The following MATCAP2 variants were observed in gnomAD, a reference collection of about 807,000 sequenced individuals.
MATCAP2 encodes microtubule associated tyrosine carboxypeptidase 2.
At chr7:36,362,836 A>C in the MATCAP2 span, among the ~76,000 whole-genome samples, 1 of 152,196 alleles carries the variant, frequency 6.6e-6, no homozygotes. Flanking sequence ...CTTGGTCAGG[A>C]AGCCTTCCTT....
chr7:36,337,981 A>G, the MATCAP2 span, among the ~76,000 whole-genome samples: 1 of 152,124 alleles, frequency 6.6e-6, no homozygotes, highest in Non-Finnish European at 1.5e-5. Context: ...CCAAATTCCT[A>G]TCTAAAGGGC....
chr7:36,378,072 C>T, the MATCAP2 span, among the ~76,000 whole-genome samples: 12 of 152,082 alleles, frequency 7.9e-5, no homozygotes, highest in South Asian at 6.2e-4. Context: ...TGGAGAAGTT[C>T]GTGATTACCG....
chr7:36,368,022 C>A, the MATCAP2 span, among the ~76,000 whole-genome samples: 3 of 151,414 alleles, frequency 2.0e-5, no homozygotes, highest in African/African-American at 7.3e-5. Context: ...CATGATCGCG[C>A]CACTGCACTC....
chr7:36,382,068 A>G, the MATCAP2 span, among the ~76,000 whole-genome samples: 1 of 151,828 alleles, frequency 6.6e-6, no homozygotes, highest in Non-Finnish European at 1.5e-5. Flanking sequence ...CGAGGTGGGC[A>G]GATCACCTGA....
chr7:36,330,931 G>T, the MATCAP2 span: 1 of 1,028,238 alleles, frequency 9.7e-7, no homozygotes, highest in Non-Finnish European at 1.5e-6. Flanking sequence ...TTGAGTGAGG[G>T]GAATGCTGAT....
chr7:36,328,691 G>A, the MATCAP2 span, among the ~76,000 whole-genome samples: 2 of 152,010 alleles, frequency 1.3e-5, no homozygotes, highest in African/African-American at 4.8e-5. Context: ...GTTGCAGTGA[G>A]CCGAGATCAC....
the MATCAP2 span, among the ~76,000 whole-genome samples, chr7:36,342,769 C>T: frequency 2.4e-4 from 36 of 152,284 alleles, no homozygotes; most frequent in South Asian, 4.8e-3. Context: ...AGACTGCAGG[C>T]GCATGCTGCC....
chr7:36,359,751 T>G, the MATCAP2 span, among the ~76,000 whole-genome samples: 15 of 152,188 alleles, frequency 9.9e-5, no homozygotes, highest in Non-Finnish European at 2.9e-5. Context: ...TCTCAGGAGT[T>G]TCATAGACTT....
chr7:36,379,847 C>CACAGAGAGAGAGAGAGAGAGAG, the MATCAP2 span, among the ~76,000 whole-genome samples: 4 of 107,602 alleles, frequency 3.7e-5, no homozygotes, highest in East Asian at 6.0e-4. Flanking sequence ...CACACACACA[C>CACAGAGAGAGAGAGAGAGAGAG]AGAGAGAGAG....
At chr7:36,337,121 A>AAAAAAAAAAAAAAAAAC in the MATCAP2 span, among the ~76,000 whole-genome samples, 1 of 147,216 alleles carries the variant, frequency 6.8e-6, no homozygotes, top group Non-Finnish European at 1.5e-5. Flanking sequence ...AAAAAAAAAA[A>AAAAAAAAAAAAAAAAAC]AAAAGCAATC....
chr7:36,347,954 T>A, the MATCAP2 span, among the ~76,000 whole-genome samples: 1 of 152,184 alleles, frequency 6.6e-6, no homozygotes, highest in Non-Finnish European at 1.5e-5. Flanking sequence ...TACTGTTTTT[T>A]AAAGGTTTCA....
chr7:36,383,918 C>T, the MATCAP2 span: 2 of 1,576,704 alleles, frequency 1.3e-6, no homozygotes, highest in Non-Finnish European at 1.7e-6. Flanking sequence ...AGGTCTTGGC[C>T]TTTTCTCTCC....
chr7:36,382,299 CAAAAAAAAAAA>C, the MATCAP2 span, among the ~76,000 whole-genome samples: 1 of 62,934 alleles, frequency 1.6e-5, no homozygotes, highest in South Asian at 5.2e-4. Flanking sequence ...GCGTCTGTCT[CAAAAAAAAAAA>C]AAAAAAAAAA....
chr7:36,378,541 C>T, the MATCAP2 span, among the ~76,000 whole-genome samples: 11 of 152,222 alleles, frequency 7.2e-5, no homozygotes, highest in African/African-American at 2.2e-4. Flanking sequence ...CCTAGTTAGG[C>T]TACATGGGGT....
At chr7:36,359,042 GAATA>G in the MATCAP2 span, among the ~76,000 whole-genome samples, 2 of 152,110 alleles carry the variant, frequency 1.3e-5, no homozygotes, top group African/African-American at 2.4e-5. Context: ...ATAAACAAAT[GAATA>G]AATAAATGAC....
chr7:36,327,045 A>T, the MATCAP2 span: 1 of 774,438 alleles, frequency 1.3e-6, no homozygotes, highest in South Asian at 2.0e-5. Context: ...ATAGCTGCAA[A>T]GTAACAAAAA....
At chr7:36,367,222 C>T in the MATCAP2 span, 14 of 1,146,482 alleles carry the variant, frequency 1.2e-5, no homozygotes, top group Non-Finnish European at 1.5e-5. Flanking sequence ...CGTAGCCGCT[C>T]CGCCGGTTGC....
At chr7:36,374,875 T>C in the MATCAP2 span, among the ~76,000 whole-genome samples, 2 of 152,262 alleles carry the variant, frequency 1.3e-5, no homozygotes, top group African/African-American at 2.4e-5. Flanking sequence ...AACTCATCCG[T>C]TTTTATGGCT....
At chr7:36,390,016 C>T in the MATCAP2 span, 1 of 1,614,094 alleles carries the variant, frequency 6.2e-7, no homozygotes, top group Admixed American at 1.7e-5. Context: ...CGTAGTCCGA[C>T]GCCTGGGGCG....
Sources: gnomAD v4.1 joint callset for allele counts (sites outside exome capture counted in the v4.1 genomes callset) on GRCh38, gnomAD v4.1.1 for gene constraint, MANE v1.5 for transcripts, NCBI Gene and HGNC (gene_info 2026-07-23, HGNC 2026-07-21) for gene names.